The following RGMB variants were observed in gnomAD, a reference collection of about 807,000 sequenced individuals.
RGMB encodes the protein repulsive guidance molecule B.
Under a neutral mutation model 26.9 loss-of-function variants are expected in RGMB, and 16 were observed. The observed-to-expected ratio is 0.60, with a 90% confidence interval of 0.40 to 0.90. RGMB has a LOEUF of 0.90. RGMB is among the 40% of genes least tolerant of loss of function. RGMB has a pLI of 0.00. For missense variants in RGMB, 512 were observed against 573.3 expected, an observed-to-expected ratio of 0.89 and a Z score of 1.09; for synonymous variants, 225 against 229.3, an observed-to-expected ratio of 0.98 and a Z score of 0.17.
At position 98,785,227 on chromosome 5, in the gene RGMB, C is replaced by T. The variant is rs763662970; in HGVS notation, c.645+5139C>T. Among the ~76,000 whole-genome samples, 107 of 152,180 alleles carry T rather than the reference C, an allele frequency of 7.0e-4. 2 individuals carry two copies. Among genetic ancestry groups the T allele is most frequent in the Admixed American group, 1.3e-4 (2 of 15,282 alleles). ...GGTGCTGCATTTGAAACAGAAGGTACTAAAGGGCCCACTGTGGGAGATGTA... is the reference window on the plus strand; with the variant it reads ...GGTGCTGCATTTGAAACAGAAGGTATTAAAGGGCCCACTGTGGGAGATGTA... On this transcript the variant is annotated intron_variant, in intron 2 of 2. Coordinates refer to ENST00000513185, the MANE Select transcript of RGMB (RefSeq NM_001366508.1).
intron 2 of RGMB, 196 bp downstream of exon 2, chr5:98,780,284 A>G: frequency 1.8e-6 from 1 of 550,212 alleles, no homozygotes; most frequent in Non-Finnish European, 3.2e-6. Context: ...CGTGGTTCTA[A>G]TTTTAAATAG....
rs1256457537 is a variant in RGMB, at chr5:98,774,036, C to T, written c.-35C>T. 8 of 747,376 alleles carry T rather than the reference C, an allele frequency of 1.1e-5. No homozygotes were observed. 46.3% of individuals were successfully genotyped at this position (747,376 alleles called of 1,614,324 possible). ...CCCGCCACGGCGCCCGCGCCGCCGC[C>T]CTCGCCGGAGCCCACGAGACCTGCA... On this transcript the variant is annotated 5_prime_UTR_variant, in exon 1 of 3. Transcript: ENST00000513185.
chr5:98,796,089 C>T lies in RGMB; in HGVS notation c.*2336C>T, dbSNP rs576547030. 2.0e-5 allele frequency: 3 copies of T among 152,162 alleles called. No individual in the cohort carries two copies. The highest frequency in any genetic ancestry group is 2.1e-4 in the South Asian group (1 of 4,826). The allele number at this position is 152,162 out of a possible 1,614,324, so 9.4% of individuals were successfully genotyped here. On this transcript the variant is annotated 3_prime_UTR_variant, in exon 3 of 3. Coordinates refer to ENST00000513185, the MANE Select transcript of RGMB (RefSeq NM_001366508.1). ...TTTCAGAAATAGATGTATTTCTCTA[C>T]GTAAGGGCCAGGTTTATTTTCTCCT... is the stretch of plus-strand genomic sequence containing the variant.
intron 1 of RGMB, among the ~76,000 whole-genome samples, chr5:98,775,289 A>G (rs947786880): frequency 6.6e-6 from 1 of 152,228 alleles, no homozygotes; most frequent in African/African-American, 2.4e-5. Context: ...AAAATGTGAC[A>G]TCTGAGGAGA....
At position 98,796,131 on chromosome 5, in the gene RGMB, A is replaced by C. The variant is rs1382805513; in HGVS notation, c.*2378A>C. 2 of 152,110 alleles carry C rather than the reference A, an allele frequency of 1.3e-5. No homozygotes were observed. Among genetic ancestry groups the C allele is most frequent in the African/African-American group, 4.8e-5 (2 of 41,390 alleles). The allele number at this position is 152,110 out of a possible 1,614,324, so 9.4% of individuals were successfully genotyped here. On this transcript the variant is annotated 3_prime_UTR_variant, in exon 3 of 3. Coordinates refer to ENST00000513185, the MANE Select transcript of RGMB (RefSeq NM_001366508.1). ...TTTTCTCCTTTTTTGAGATTTCTAG[A>C]AAAAATGCTGCTTGCACATGTTGGT...
At chr5:98,791,591 CAT>C (rs1313167954) in intron 2 of RGMB, among the ~76,000 whole-genome samples, 1 of 152,126 alleles carries the variant, frequency 6.6e-6, no homozygotes, top group Non-Finnish European at 1.5e-5. Context: ...CCGAGTAATT[CAT>C]AGAGTGTTTG....
Position 98,796,256 on chromosome 5 carries a change from C to G in RGMB, c.*2503C>G, listed in dbSNP as rs1253380785. On this transcript the variant is annotated 3_prime_UTR_variant, in exon 3 of 3. Transcript: ENST00000513185. ...GGGGGAGCTTAAAACGGGGGAAACACTGGTTTTCACAGATGCTCCACATGG... is the reference window on the plus strand; with the variant it reads ...GGGGGAGCTTAAAACGGGGGAAACAGTGGTTTTCACAGATGCTCCACATGG... The G allele has an allele frequency of 1.3e-5, 2 of 150,688 alleles. No individual in the cohort carries two copies. Among genetic ancestry groups the G allele is most frequent in the Non-Finnish European group, 3.0e-5 (2 of 67,796 alleles). The allele number at this position is 150,688 out of a possible 1,614,324, so 9.3% of individuals were successfully genotyped here.
At chr5:98,786,077 C>A (rs1746759305) in intron 2 of RGMB, among the ~76,000 whole-genome samples, 1 of 152,118 alleles carries the variant, frequency 6.6e-6, no homozygotes, top group South Asian at 2.1e-4. Context: ...AATGAGCTAC[C>A]TGTTTATTCT....
chr5:98,774,515 A>G (rs775850987), intron 1 of RGMB, among the ~76,000 whole-genome samples: 4 of 152,206 alleles, frequency 2.6e-5, no homozygotes, highest in Non-Finnish European at 5.9e-5. Flanking sequence ...CGCGCCCGAG[A>G]CAAATGTTCC....
chr5:98,776,813 G>A (rs1228377752), intron 1 of RGMB, among the ~76,000 whole-genome samples: 1 of 152,228 alleles, frequency 6.6e-6, no homozygotes, highest in African/African-American at 2.4e-5. Context: ...TAGGCCGGGC[G>A]CTGTGGCTCA....
intron 2 of RGMB, among the ~76,000 whole-genome samples, chr5:98,784,337 T>G (rs1217326973): frequency 6.6e-6 from 1 of 152,220 alleles, no homozygotes; most frequent in Non-Finnish European, 1.5e-5. Context: ...GTAGCTACTT[T>G]CTTGGGAATT....
upstream of RGMB, among the ~76,000 whole-genome samples, chr5:98,769,128 G>A (rs528440044): frequency 1.3e-5 from 2 of 152,314 alleles, no homozygotes; most frequent in South Asian, 2.1e-4. Flanking sequence ...GTGGGGGGAA[G>A]GCGAAGAGAG....
At position 98,795,352 on chromosome 5, in the gene RGMB, G is replaced by T. The variant is rs951049978; in HGVS notation, c.*1599G>T. On this transcript the variant is annotated 3_prime_UTR_variant, in exon 3 of 3. Transcript: ENST00000513185. ...ATTATGCTTAGTTTTAGTTCTCCAGGTAGTTACTTTTGCCATGTCCTATTG... is the reference window on the plus strand; with the variant it reads ...ATTATGCTTAGTTTTAGTTCTCCAGTTAGTTACTTTTGCCATGTCCTATTG... 8 of 152,172 alleles carry T rather than the reference G, an allele frequency of 5.3e-5. No individual in the cohort carries two copies. The highest frequency in any genetic ancestry group is 1.7e-4 in the African/African-American group (7 of 41,450). The allele number at this position is 152,172 out of a possible 1,614,324, so 9.4% of individuals were successfully genotyped here. A position where few individuals can be genotyped will look rare whatever the true frequency, so the allele number is the denominator to read the frequency against.
At chr5:98,793,004 C>T (rs1222857697) in intron 2 of RGMB, 81 bp from the exon 3 acceptor site, 12 of 1,141,782 alleles carry the variant, frequency 1.1e-5, no homozygotes, top group African/African-American at 6.2e-5. Flanking sequence ...TTCAAAATGG[C>T]GGGGAGCTCT....
intron 2 of RGMB, among the ~76,000 whole-genome samples, chr5:98,791,774 C>A (rs1746938314): frequency 6.6e-6 from 1 of 152,138 alleles, no homozygotes; most frequent in Non-Finnish European, 1.5e-5. Context: ...CAGCCCCTGT[C>A]TTATCATAGT....
At chr5:98,773,229 G>A (rs1336831051), upstream of RGMB, 2 of 151,932 alleles carry the variant, frequency 1.3e-5, no homozygotes, top group African/African-American at 4.8e-5. Flanking sequence ...GGCAGGGAGG[G>A]GTAATTAAAT....
At chr5:98,788,560 T>TC (rs931856625) in intron 2 of RGMB, among the ~76,000 whole-genome samples, 1 of 152,112 alleles carries the variant, frequency 6.6e-6, no homozygotes, top group African/African-American at 2.4e-5. Flanking sequence ...ATACCTCTTT[T>TC]CCCCCCTCGA....
Position 98,773,807 on chromosome 5 carries a change from C to T in RGMB, c.-264C>T. On this transcript the variant is annotated 5_prime_UTR_variant, in exon 1 of 3. Coordinates refer to ENST00000513185, the MANE Select transcript of RGMB (RefSeq NM_001366508.1). ...CAGCAGTCGCTCACGGTCTTTGTGT[C>T]TTCTCTTCCGCCCCTTTCCCTGCCT... 2 of 452,676 alleles carry T rather than the reference C, an allele frequency of 4.4e-6. No individual in the cohort carries two copies. Among genetic ancestry groups the T allele is most frequent in the Non-Finnish European group, 7.6e-6 (2 of 261,442 alleles). The allele number at this position is 452,676 out of a possible 1,614,324, so 28.0% of individuals were successfully genotyped here. A position where few individuals can be genotyped will look rare whatever the true frequency, so the allele number is the denominator to read the frequency against.
At chr5:98,786,868 GTTTT>G (rs1445621235) in intron 2 of RGMB, among the ~76,000 whole-genome samples, 1 of 152,160 alleles carries the variant, frequency 6.6e-6, no homozygotes, top group East Asian at 1.9e-4. Flanking sequence ...GGAGAGAGGA[GTTTT>G]TTATGCCCCA....
Sources: gnomAD v4.1 joint callset for allele counts (sites outside exome capture counted in the v4.1 genomes callset) on GRCh38, gnomAD v4.1.1 for gene constraint, MANE v1.5 for transcripts, NCBI Gene and HGNC (gene_info 2026-07-23, HGNC 2026-07-21) for gene names.